Variants in PALM2AKAP2 observed in about 807,000 individuals in gnomAD.
PALM2AKAP2 encodes the protein PALM2-AKAP2 fusion protein.
In PALM2AKAP2, 37 loss-of-function variants were observed where a neutral mutation model predicts 71.5. The ratio of observed to expected loss-of-function variants is 0.52; its 90% CI spans 0.40 to 0.68. The LOEUF (loss-of-function observed/expected upper bound fraction) is 0.68, where lower values mean the gene tolerates loss of function less well. Ranked by LOEUF, PALM2AKAP2 falls within the 30% of genes least tolerant of loss-of-function variation. The pLI is 0.00. For missense variants in PALM2AKAP2, 1,224 were observed against 1,191.8 expected (o/e 1.03, Z -0.40); for synonymous variants, 468 against 478.8 (o/e 0.98, Z 0.29).
chr9:109,906,647 G>A (rs965408554), intron 3 of PALM2AKAP2, among the ~76,000 whole-genome samples: 2 of 152,342 alleles, frequency 1.3e-5, no homozygotes, highest in Admixed American at 6.5e-5. Flanking sequence ...AGTAGTCCAT[G>A]CTAAGCTTGG....
intron 1 of PALM2AKAP2, among the ~76,000 whole-genome samples, chr9:109,676,730 A>G (rs988865822): frequency 2.8e-4 from 43 of 152,220 alleles, no homozygotes; most frequent in African/African-American, 9.4e-4. Context: ...AGGGACAGAA[A>G]GAGAGATGGA....
At chr9:109,967,836 T>G (rs150742633) in intron 6 of PALM2AKAP2, among the ~76,000 whole-genome samples, 1 of 152,198 alleles carries the variant, frequency 6.6e-6, no homozygotes, top group Non-Finnish European at 1.5e-5. Flanking sequence ...CCAGGGAAAG[T>G]TGACTTTGTT....
Position 110,137,089 on chromosome 9 carries a change from ACAG to A in PALM2AKAP2, c.1136_1138del (p.Gln379del), listed in dbSNP as rs749737390. The A allele has an allele frequency of 4.7e-5, 73 of 1,561,342 alleles. 1 individual carries two copies. Among genetic ancestry groups the A allele is most frequent in the Admixed American group, 2.3e-4 (13 of 56,310 alleles). ...AACAGTTGCTGCTGCAGAAGCAGTT[ACAG>A]CAGCAGCAGCAGCAGCCCCCATCGC... On this transcript the variant is annotated inframe_deletion, in exon 2 of 4. Transcript: ENST00000374525.
chr9:110,032,802 G>T (rs921653538), intron 7 of PALM2AKAP2, among the ~76,000 whole-genome samples: 1 of 151,584 alleles, frequency 6.6e-6, no homozygotes, highest in African/African-American at 2.4e-5. Flanking sequence ...CTAGCCAGGT[G>T]TGGTGTGCGC....
intron 1 of PALM2AKAP2, among the ~76,000 whole-genome samples, chr9:110,080,554 A>C (rs1192520375): frequency 6.6e-6 from 1 of 152,240 alleles, no homozygotes; most frequent in Admixed American, 6.5e-5. Flanking sequence ...ATCTGTGCTT[A>C]GAGTGCTGTG....
At chr9:109,754,982 C>T (rs12682917) in intron 1 of PALM2AKAP2, among the ~76,000 whole-genome samples, 46,215 of 151,802 alleles carry the variant, frequency 0.3, 7,170 homozygotes, top group Middle Eastern at 0.4. Flanking sequence ...TCCTCTTGCC[C>T]TATAGCCTGT....
At chr9:110,075,851 A>G (rs1834309032) in intron 1 of PALM2AKAP2, among the ~76,000 whole-genome samples, 1 of 152,184 alleles carries the variant, frequency 6.6e-6, no homozygotes, top group African/African-American at 2.4e-5. Context: ...TTGACATGTT[A>G]TATAATTTAT....
At chr9:110,007,992 G>A (rs1395805759) in intron 6 of PALM2AKAP2, among the ~76,000 whole-genome samples, 1 of 152,154 alleles carries the variant, frequency 6.6e-6, no homozygotes, top group East Asian at 1.9e-4. Context: ...TGAGTGTGAG[G>A]CAGGACCCCT....
intron 1 of PALM2AKAP2, among the ~76,000 whole-genome samples, chr9:109,861,021 G>A (rs1034994551): frequency 6.6e-6 from 1 of 152,208 alleles, no homozygotes; most frequent in Non-Finnish European, 1.5e-5. Flanking sequence ...TCTAAATTCT[G>A]TGATCTCATG....
At chr9:109,928,388 A>C (rs1166622743) in intron 5 of PALM2AKAP2, among the ~76,000 whole-genome samples, 1 of 152,186 alleles carries the variant, frequency 6.6e-6, no homozygotes, top group Non-Finnish European at 1.5e-5. Context: ...ACTCATCTTT[A>C]ATTTCTACTC....
intron 6 of PALM2AKAP2, among the ~76,000 whole-genome samples, chr9:109,955,539 T>C (rs913149624): frequency 3.3e-5 from 5 of 152,244 alleles, no homozygotes; most frequent in Non-Finnish European, 7.3e-5. Flanking sequence ...CAGCCCATAC[T>C]TATTTAAATT....
intron 6 of PALM2AKAP2, among the ~76,000 whole-genome samples, chr9:109,973,479 C>T (rs1369959312): frequency 6.6e-6 from 1 of 152,142 alleles, no homozygotes; most frequent in Non-Finnish European, 1.5e-5. Context: ...TATAGTGGCT[C>T]TTAAAGTCAT....
intron 1 of PALM2AKAP2, among the ~76,000 whole-genome samples, chr9:109,759,475 T>C (rs1829017806): frequency 6.6e-6 from 1 of 152,136 alleles, no homozygotes; most frequent in Non-Finnish European, 1.5e-5. Context: ...CATCATAATA[T>C]AAGACCTTTT....
At chr9:109,938,330 G>A (rs575123969) in intron 6 of PALM2AKAP2, among the ~76,000 whole-genome samples, 13 of 152,296 alleles carry the variant, frequency 8.5e-5, no homozygotes, top group African/African-American at 2.9e-4. Context: ...TTTGGGTTAA[G>A]TCAGAGCTTC....
At chr9:109,679,073 C>T (rs976710410) in intron 1 of PALM2AKAP2, among the ~76,000 whole-genome samples, 1 of 152,156 alleles carries the variant, frequency 6.6e-6, no homozygotes. Context: ...TTACTGGGAA[C>T]AAGGTCTTTA....
intron 1 of PALM2AKAP2, among the ~76,000 whole-genome samples, chr9:109,694,272 C>G (rs558436466): frequency 1.9e-4 from 29 of 152,018 alleles, no homozygotes; most frequent in Non-Finnish European, 3.8e-4. Flanking sequence ...AATGTGAAAA[C>G]TTACATCATG....
At chr9:109,963,867 T>A (rs1472338281) in intron 6 of PALM2AKAP2, among the ~76,000 whole-genome samples, 1 of 152,254 alleles carries the variant, frequency 6.6e-6, no homozygotes, top group Non-Finnish European at 1.5e-5. Context: ...TATGTGTGGA[T>A]GGACCTTTGA....
intron 7 of PALM2AKAP2, chr9:110,024,974 G>T: frequency 4.6e-6 from 6 of 1,304,630 alleles, no homozygotes; most frequent in African/African-American, 1.5e-5. Context: ...GAGCAGGCTG[G>T]CACTTCAGTT....
At chr9:109,971,056 A>G in intron 6 of PALM2AKAP2, among the ~76,000 whole-genome samples, 1 of 152,102 alleles carries the variant, frequency 6.6e-6, no homozygotes, top group Non-Finnish European at 1.5e-5. Flanking sequence ...TCACACCACT[A>G]CACTGCAGCC....
Sources: gnomAD v4.1 joint callset for allele counts (sites outside exome capture counted in the v4.1 genomes callset) on GRCh38, gnomAD v4.1.1 for gene constraint, MANE v1.5 for transcripts, NCBI Gene and HGNC (gene_info 2026-07-23, HGNC 2026-07-21) for gene names.